Variants in HS3ST5 observed in about 807,000 individuals in gnomAD.
HS3ST5 encodes heparan sulfate-glucosamine 3-sulfotransferase 5, also known as heparan sulfate glucosamine 3-O-sulfotransferase 5.
A neutral mutation model predicts 25.4 loss-of-function variants in HS3ST5; 10 were observed. The observed-to-expected ratio is 0.39, with a 90% CI of 0.24 to 0.67. The LOEUF (loss-of-function observed/expected upper bound fraction) is 0.67. Among genes scored for constraint, HS3ST5 ranks in the 30% least tolerant of loss-of-function variants. HS3ST5 has a pLI of 0.44. For missense variants in HS3ST5, 324 were observed against 420.7 expected (o/e 0.77, Z 2.01); for synonymous variants, 170 against 162.4 (o/e 1.05, Z -0.36).
chr6:114,216,040 C>T (rs140623388), intron 2 of HS3ST5, among the ~76,000 whole-genome samples: 46 of 152,278 alleles, frequency 3.0e-4, no homozygotes, highest in Non-Finnish European at 4.4e-4. Context: ...GACAATTGAA[C>T]TGGTATCTAT....
intron 1 of HS3ST5, among the ~76,000 whole-genome samples, chr6:114,322,846 C>G (rs1448718098): frequency 6.6e-6 from 1 of 152,114 alleles, no homozygotes; most frequent in African/African-American, 2.4e-5. Context: ...GCATCTCCAC[C>G]CGGGGGTAGG....
Position 114,235,284 on chromosome 6 carries a change from C to T in HS3ST5, c.-338-6506G>A, listed in dbSNP as rs150811603. 4.0e-3 allele frequency among the ~76,000 whole-genome samples: 605 copies of T among 152,044 alleles called. 2 individuals carry two copies. Among genetic ancestry groups the T allele is most frequent in the African/African-American group, 0.013 (524 of 41,466 alleles). On this transcript the variant is annotated intron_variant, in intron 1 of 4. Transcript: ENST00000312719. ...ATCTCTAGTTCAAAGATTTAGAATA[C>T]GCTATGATAGCTCCTATTAATACAA...
chr6:114,320,914 C>CTCTATA (rs1491517323), intron 1 of HS3ST5, among the ~76,000 whole-genome samples: 63 of 135,716 alleles, frequency 4.6e-4, no homozygotes, highest in African/African-American at 1.7e-3. Flanking sequence ...CTCTCTCTCT[C>CTCTATA]TATATATATA....
intron 3 of HS3ST5, among the ~76,000 whole-genome samples, chr6:114,164,095 T>C (rs1438492708): frequency 1.3e-5 from 2 of 152,138 alleles, no homozygotes. Context: ...TCCTGTTATA[T>C]GTCAAAGAAC....
At chr6:114,274,392 TAGTC>T (rs1168925529) in intron 1 of HS3ST5, among the ~76,000 whole-genome samples, 6 of 152,020 alleles carry the variant, frequency 3.9e-5, no homozygotes, top group Non-Finnish European at 7.4e-5. Flanking sequence ...AAAGTGATAA[TAGTC>T]AGCACGGTTG....
chr6:114,086,230 A>C (rs1237055552), intron 3 of HS3ST5, among the ~76,000 whole-genome samples: 2 of 152,206 alleles, frequency 1.3e-5, no homozygotes, highest in East Asian at 3.8e-4. Flanking sequence ...GCTGAACTTA[A>C]GATAGGGAGA....
At chr6:114,208,913 A>G (rs1369495758) in intron 2 of HS3ST5, among the ~76,000 whole-genome samples, 1 of 152,190 alleles carries the variant, frequency 6.6e-6, no homozygotes, top group Non-Finnish European at 1.5e-5. Flanking sequence ...TCCCAAATAT[A>G]GTGCTTATAG....
intron 1 of HS3ST5, among the ~76,000 whole-genome samples, chr6:114,247,061 A>G (rs1472720203): frequency 1.3e-5 from 2 of 152,240 alleles, no homozygotes; most frequent in South Asian, 2.1e-4. Flanking sequence ...AACCCAAATG[A>G]AGTCATTTTT....
intron 1 of HS3ST5, among the ~76,000 whole-genome samples, chr6:114,257,804 A>G (rs1772999513): frequency 6.6e-6 from 1 of 152,006 alleles, no homozygotes; most frequent in Non-Finnish European, 1.5e-5. Flanking sequence ...TGGCATGAAC[A>G]TAGCTCACTG....
At chr6:114,181,884 A>ATG (rs71025099) in intron 2 of HS3ST5, among the ~76,000 whole-genome samples, 43,232 of 149,896 alleles carry the variant, frequency 0.29, 6,271 homozygotes, top group South Asian at 0.44. Flanking sequence ...GTATGTGAGT[A>ATG]TGTGTGTGTG....
At chr6:114,240,362 T>C (rs897147903) in intron 1 of HS3ST5, among the ~76,000 whole-genome samples, 1 of 152,190 alleles carries the variant, frequency 6.6e-6, no homozygotes, top group African/African-American at 2.4e-5. Flanking sequence ...CTTTTCAATT[T>C]GTTTTTAATC....
chr6:114,067,126 C>T lies in HS3ST5; in HGVS notation c.-32-4249G>A, dbSNP rs542166317. On this transcript the variant is annotated intron_variant, in intron 3 of 4. Transcript: ENST00000312719. Reference sequence around the variant, plus strand: ...GATATCTTTCCTATGTCTCCTCCTTCGAGACTTCCAGATCCTACTGGTGTC... The same window carrying T: ...GATATCTTTCCTATGTCTCCTCCTTTGAGACTTCCAGATCCTACTGGTGTC... 5.3e-5 allele frequency among the ~76,000 whole-genome samples: 8 copies of T among 151,948 alleles called. No individual in the cohort carries two copies. The East Asian group carries it at 1.4e-3, about 26-fold the overall frequency.
intron 2 of HS3ST5, among the ~76,000 whole-genome samples, chr6:114,214,406 A>G (rs1295779486): frequency 2.0e-5 from 3 of 152,160 alleles, no homozygotes; most frequent in Non-Finnish European, 4.4e-5. Context: ...TTCAAACTGT[A>G]TCAGTTCCCC....
intron 2 of HS3ST5, among the ~76,000 whole-genome samples, chr6:114,215,590 C>G (rs964018566): frequency 6.6e-6 from 1 of 152,074 alleles, no homozygotes; most frequent in Non-Finnish European, 1.5e-5. Context: ...AGTTCCATGC[C>G]TTTTGCCTTT....
chr6:114,191,621 T>G (rs1223405820), intron 2 of HS3ST5, among the ~76,000 whole-genome samples: 1 of 152,150 alleles, frequency 6.6e-6, no homozygotes, highest in African/African-American at 2.4e-5. Flanking sequence ...TTAAGTTGAG[T>G]GAGGATAATC....
chr6:114,226,183 G>C (rs1771278516), intron 2 of HS3ST5, among the ~76,000 whole-genome samples: 1 of 151,910 alleles, frequency 6.6e-6, no homozygotes, highest in Admixed American at 6.6e-5. Context: ...GAGAATTCTT[G>C]AAAGTACATT....
At chr6:114,301,034 T>G (rs1460099207) in intron 1 of HS3ST5, among the ~76,000 whole-genome samples, 1 of 152,132 alleles carries the variant, frequency 6.6e-6, no homozygotes, top group Non-Finnish European at 1.5e-5. Flanking sequence ...CTCTAACGGG[T>G]GCAGGGATTA....
intron 1 of HS3ST5, among the ~76,000 whole-genome samples, chr6:114,325,581 G>C (rs180875780): frequency 6.6e-6 from 1 of 152,154 alleles, no homozygotes; most frequent in East Asian, 1.9e-4. Context: ...CAAATTACTT[G>C]TATATTACTT....
intron 1 of HS3ST5, among the ~76,000 whole-genome samples, chr6:114,315,619 C>T (rs1249491967): frequency 6.6e-6 from 1 of 152,122 alleles, no homozygotes; most frequent in South Asian, 2.1e-4. Flanking sequence ...TGTTTTGTGA[C>T]TTAGAGATGC....
Sources: gnomAD v4.1 joint callset for allele counts (sites outside exome capture counted in the v4.1 genomes callset) on GRCh38, gnomAD v4.1.1 for gene constraint, MANE v1.5 for transcripts, NCBI Gene and HGNC (gene_info 2026-07-23, HGNC 2026-07-21) for gene names.